The following ZNF517 variants were observed in gnomAD, a reference collection of about 807,000 sequenced individuals.
The protein encoded by ZNF517 is zinc finger protein 517.
Under a neutral mutation model 12.1 loss-of-function variants are expected in ZNF517, and 12 were observed. The observed-to-expected ratio is 0.99, with a 90% CI of 0.63 to 1.61. ZNF517 has a LOEUF of 1.61. ZNF517 is among the 40% of genes most tolerant of loss of function. The pLI is 0.00. For synonymous variants in ZNF517, 388 were observed against 310.2 expected (o/e 1.25, Z -2.63); for missense variants, 781 against 693.2 (o/e 1.13, Z -1.42).
rs1265419034 is a variant in ZNF517, at chr8:144,807,375, T to A, written c.459T>A (p.Ala153=). Residue 153 remains alanine, a synonymous_variant, in exon 5 of 5, where the codon GCT becomes GCA. Coordinates refer to ENST00000359971, the MANE Select transcript of ZNF517 (RefSeq NM_213605.3). ...DGSDKPTHPR[A]REHSASPRVL... The stretch of plus-strand genomic sequence containing the variant: ...CAGATAAACCCACCCACCCCCGGGC[T>A]CGGGAGCACAGCGCCTCCCCAAGGG... 1.3e-6 allele frequency: 2 copies of A among 1,556,382 alleles called. No homozygotes were observed. Among genetic ancestry groups the A allele is most frequent in the Admixed American group, 1.9e-5 (1 of 51,450 alleles).
At position 144,809,996 on chromosome 8, in the gene ZNF517, TGAGCCGAGATC is replaced by T. The variant is rs369286291; in HGVS notation, c.*1607_*1617del. On this transcript the variant is annotated 3_prime_UTR_variant, in exon 5 of 5. Coordinates refer to ENST00000359971, the MANE Select transcript of ZNF517 (RefSeq NM_213605.3). Reference sequence around the variant, plus strand: ...TCAACCTGGGAGGTAGAGGTTGCAGTGAGCCGAGATCGAGCCACTGCACTCCAGCCTGGGTG... The same window carrying T: ...TCAACCTGGGAGGTAGAGGTTGCAGTGAGCCACTGCACTCCAGCCTGGGTG... 626 of 446,434 alleles carry T rather than the reference TGAGCCGAGATC, an allele frequency of 1.4e-3. 2 individuals carry two copies. Among genetic ancestry groups the T allele is most frequent in the African/African-American group, 0.011 (568 of 50,700 alleles). The allele number at this position is 446,434 out of a possible 1,614,324, so 27.7% of individuals were successfully genotyped here. A position where few individuals can be genotyped will look rare whatever the true frequency, so the allele number is the denominator to read the frequency against.
chr8:144,808,163 A>T lies in ZNF517; in HGVS notation c.1247A>T (p.Lys416Met), dbSNP rs765376608. Residue 416 changes from lysine (K) to methionine (M), a missense_variant, in exon 5 of 5, where the codon AAG becomes ATG. Physicochemically the swap from Lys to Met is moderately conservative, Grantham distance 95 (BLOSUM62 -1). Transcript: ENST00000359971. ...AAGTCCAACCTCACTCTGCACCAGA[A>T]GATCCACACCAAGGAGAAGCCCTTC... ...GRKSNLTLHQ[K>M]IHTKEKPFAC... is the part of the protein sequence containing the mutation. The T allele has an allele frequency of 5.6e-6, 9 of 1,609,788 alleles. No individual in the cohort carries two copies. Among genetic ancestry groups the T allele is most frequent in the Non-Finnish European group, 7.6e-6 (9 of 1,178,442 alleles).
chr8:144,803,883 C>A, intron 3 of ZNF517, 116 bp downstream of exon 3: 1 of 1,434,404 alleles, frequency 7.0e-7, no homozygotes, highest in Non-Finnish European at 9.4e-7. Flanking sequence ...AAGCTGGAGG[C>A]TCCCCAAGGA....
At chr8:144,801,301 G>A (rs1252716020) in intron 1 of ZNF517, among the ~76,000 whole-genome samples, 1 of 151,994 alleles carries the variant, frequency 6.6e-6, no homozygotes. Flanking sequence ...AGGGCCTCAT[G>A]CCTACTCTGT....
At chr8:144,799,101 C>T (rs1826807651) in intron 1 of ZNF517, among the ~76,000 whole-genome samples, 164 bp downstream of exon 1, 1 of 152,156 alleles carries the variant, frequency 6.6e-6, no homozygotes, top group Non-Finnish European at 1.5e-5. Flanking sequence ...GAACCCTTAT[C>T]GGGGCGAAGG....
At chr8:144,802,971 A>G (rs1359913649) in intron 2 of ZNF517, 24 bp downstream of exon 2, 11 of 1,613,608 alleles carry the variant, frequency 6.8e-6, no homozygotes, top group South Asian at 1.1e-5. Flanking sequence ...GAGCCCGTCC[A>G]TTGCCCCAGG....
chr8:144,803,443 C>T (rs1586761384), intron 2 of ZNF517, 198 bp from the exon 3 acceptor site: 1 of 654,710 alleles, frequency 1.5e-6, no homozygotes, highest in South Asian at 2.3e-5. Flanking sequence ...CAGTTTTTCC[C>T]TCTTCCTCTC....
In ZNF517 at chr8:144,808,474, C is replaced by T. The variant is rs115958181; in HGVS notation, c.*79C>T. The T allele has an allele frequency of 1.9e-3, 2,599 of 1,402,910 alleles. 49 individuals carry two copies. The African/African-American group carries it at 0.036, about 19-fold the overall frequency. The allele number at this position is 1,402,910 out of a possible 1,614,324, so 86.9% of individuals were successfully genotyped here. ...GGCCCTAGCGCAGAAATTCAGAACCCCCTGTCCTGAAGGTGAAGCAAAGTC... is the reference window on the plus strand; with the variant it reads ...GGCCCTAGCGCAGAAATTCAGAACCTCCTGTCCTGAAGGTGAAGCAAAGTC... On this transcript the variant is annotated 3_prime_UTR_variant, in exon 5 of 5. Coordinates refer to ENST00000359971, the MANE Select transcript of ZNF517 (RefSeq NM_213605.3).
chr8:144,809,348 T>C lies in ZNF517; in HGVS notation c.*953T>C, dbSNP rs2954669. On this transcript the variant is annotated 3_prime_UTR_variant, in exon 5 of 5. Coordinates refer to ENST00000359971, the MANE Select transcript of ZNF517 (RefSeq NM_213605.3). ...TGGGACTAAGGCACACACACTGTACTTGGCAGCTGGCGAAGCATTGTTTCT... is the reference window on the plus strand; with the variant it reads ...TGGGACTAAGGCACACACACTGTACCTGGCAGCTGGCGAAGCATTGTTTCT... 25,839 of 152,130 alleles carry C rather than the reference T, an allele frequency of 0.17. 2,687 individuals carry two copies. The highest frequency in any genetic ancestry group is 0.42 in the East Asian group (2,121 of 5,074). 9.4% of individuals were successfully genotyped at this position (152,130 alleles called of 1,614,324 possible).
chr8:144,810,249 C>A, downstream of ZNF517: 1 of 659,642 alleles, frequency 1.5e-6, no homozygotes, highest in South Asian at 1.6e-5. Context: ...CCCTGTCACC[C>A]CTAACAGATG....
At chr8:144,805,399 C>T (rs1586763233) in intron 4 of ZNF517, among the ~76,000 whole-genome samples, 1 of 152,232 alleles carries the variant, frequency 6.6e-6, no homozygotes, top group East Asian at 1.9e-4. Context: ...GGCGCGATCT[C>T]AGCTCACTGC....
chr8:144,807,269 T>G lies in ZNF517; in HGVS notation c.353T>G (p.Val118Gly). Residue 118 changes from valine (V) to glycine (G), a missense_variant, in exon 5 of 5, where the codon GTG becomes GGG. Physicochemically the swap from Val to Gly is moderately radical, Grantham distance 109. Coordinates refer to ENST00000359971, the MANE Select transcript of ZNF517 (RefSeq NM_213605.3). ...AGGCAGGCAGGACTGCCGGGCACCG[T>G]GTGGGGGTGCCTCCCCTGGGGGCAC... The part of the protein sequence containing the change: ...LSRQAGLPGT[V>G]WGCLPWGHPV... 2 of 1,555,962 alleles carry G rather than the reference T, an allele frequency of 1.3e-6. No homozygotes were observed. Among genetic ancestry groups the G allele is most frequent in the South Asian group, 2.4e-5 (2 of 81,716 alleles).
rs1285875216 is a variant in ZNF517, at chr8:144,810,060, T to C, written c.*1665T>C. ...AGGGCAAGACTCTGTCTCAAACAAA[T>C]AAAAATCCCCTCTCCTAAACTCCAT... On this transcript the variant is annotated 3_prime_UTR_variant, in exon 5 of 5. Transcript: ENST00000359971. 1.5e-5 allele frequency: 8 copies of C among 518,018 alleles called. No individual in the cohort carries two copies. 32.1% of individuals were successfully genotyped at this position (518,018 alleles called of 1,614,324 possible).
chr8:144,808,620 C>T lies in ZNF517; in HGVS notation c.*225C>T, dbSNP rs930234671. 1.4e-5 allele frequency: 7 copies of T among 512,496 alleles called. No individual in the cohort carries two copies. Among genetic ancestry groups the T allele is most frequent in the Admixed American group, 4.3e-5 (1 of 23,412 alleles). The allele number at this position is 512,496 out of a possible 1,614,324, so 31.7% of individuals were successfully genotyped here. Reference sequence around the variant, plus strand: ...AGGAACCACTATCAGCCACCATTTCCTGGGGCCTTCCGGAAATGTCCAGGA... The same window carrying T: ...AGGAACCACTATCAGCCACCATTTCTTGGGGCCTTCCGGAAATGTCCAGGA... On this transcript the variant is annotated 3_prime_UTR_variant, in exon 5 of 5. Coordinates refer to ENST00000359971, the MANE Select transcript of ZNF517 (RefSeq NM_213605.3).
At position 144,808,234 on chromosome 8, in the gene ZNF517, A is replaced by G. The variant is rs1289411466; in HGVS notation, c.1318A>G (p.Asn440Asp). ...GKAFRRSYTL[N>D]EHYRLHSGER... is the part of the protein sequence containing the mutation. ...GGCGTTCCGCAGGAGCTACACGCTG[A>G]ACGAGCACTACCGGCTCCACAGCGG... is the stretch of plus-strand genomic sequence containing the variant. The change falls in exon 5 of 5, where the codon AAC (asparagine) becomes GAC (aspartate). Residue 440 changes from asparagine to aspartate, a missense_variant. Transcript: ENST00000359971. The G allele has an allele frequency of 1.9e-6, 3 of 1,603,070 alleles. No homozygotes were observed. The highest frequency in any genetic ancestry group is 2.6e-6 in the Non-Finnish European group (3 of 1,174,116).
chr8:144,810,373 C>A, downstream of ZNF517: 1 of 471,666 alleles, frequency 2.1e-6, no homozygotes, highest in African/African-American at 1.9e-5. Flanking sequence ...CCGGGCTGTG[C>A]GCCCCACAGT....
rs533745077 is a variant in ZNF517 at position 144,809,259 on chromosome 8, T to C, written c.*864T>C. The stretch of plus-strand genomic sequence containing the variant: ...AGCCTGGAGTGCAATGGCACAATCA[T>C]GGCTTACTGCAGCCTCCAGCTCCCA... On this transcript the variant is annotated 3_prime_UTR_variant, in exon 5 of 5. Coordinates refer to ENST00000359971, the MANE Select transcript of ZNF517 (RefSeq NM_213605.3). The C allele has an allele frequency of 2.0e-5, 3 of 152,326 alleles. No individual in the cohort carries two copies. The highest frequency in any genetic ancestry group is 7.2e-5 in the African/African-American group (3 of 41,570). 9.4% of individuals were successfully genotyped at this position (152,326 alleles called of 1,614,324 possible).
Position 144,808,217 on chromosome 8 carries a change from G to C in ZNF517, c.1301G>C (p.Arg434Pro). ...FACTECGKAFRRSYTLNEHYR... is the reference protein window; with the variant it reads ...FACTECGKAFPRSYTLNEHYR... ...TGCACCGAGTGCGGCAAGGCGTTCCGCAGGAGCTACACGCTGAACGAGCAC... is the reference window on the plus strand; with the variant it reads ...TGCACCGAGTGCGGCAAGGCGTTCCCCAGGAGCTACACGCTGAACGAGCAC... Residue 434 changes from arginine (R) to proline (P), a missense_variant, in exon 5 of 5, where the codon CGC becomes CCC. Transcript: ENST00000359971. 1 of 1,606,620 alleles carries C rather than the reference G, an allele frequency of 6.2e-7. No homozygotes were observed.
Position 144,808,526 on chromosome 8 carries a change from A to C in ZNF517, c.*131A>C. On this transcript the variant is annotated 3_prime_UTR_variant, in exon 5 of 5. Transcript: ENST00000359971. ...AAAGAAAGGGCCAGCTCCCATCAGG[A>C]GCTCGGCTTCTTGCTCCAGCCGGGC... 8.0e-7 allele frequency: 1 copy of C among 1,248,496 alleles called. No homozygotes were observed. Among genetic ancestry groups the C allele is most frequent in the Non-Finnish European group, 1.0e-6 (1 of 982,264 alleles). 77.3% of individuals were successfully genotyped at this position (1,248,496 alleles called of 1,614,324 possible).
Sources: allele counts gnomAD v4.1 joint callset (sites outside exome capture counted in the v4.1 genomes callset), GRCh38; gene constraint gnomAD v4.1.1; transcripts MANE v1.5; gene names NCBI Gene and HGNC (gene_info 2026-07-23, HGNC 2026-07-21).